Variants in GNA12 observed in about 807,000 individuals in gnomAD.
GNA12 encodes G protein subunit alpha 12, also known as guanine nucleotide-binding protein subunit alpha-12.
Under a neutral mutation model 26.0 loss-of-function variants are expected in GNA12, and 9 were observed. That is an observed-to-expected ratio of 0.35 (90% CI 0.21 to 0.60). GNA12 has a LOEUF of 0.60. Ranked by LOEUF, GNA12 falls within the 20% of genes least tolerant of loss-of-function variation. The probability of loss-of-function intolerance (pLI) is 0.78; values close to 1 mark genes in which losing one functional copy is unlikely to be tolerated. For missense variants in GNA12, 405 were observed against 525.8 expected (o/e 0.77, Z 2.25); for synonymous variants, 264 against 219.6 (o/e 1.20, Z -1.79).
Position 2,761,358 on chromosome 7 carries a change from A to G in GNA12, c.526-27857T>C, listed in dbSNP as rs532743040. Among the ~76,000 whole-genome samples the G allele has an allele frequency of 1.1e-4, 16 of 152,366 alleles. No homozygotes were observed. The South Asian group carries it at 2.9e-3, about 28-fold the overall frequency. Reference sequence around the variant, plus strand: ...CTAGAGGCACGGGGTGGGCACGCAGATGGCAGCTGTGATTTCCCTGAAACC... The same window carrying G: ...CTAGAGGCACGGGGTGGGCACGCAGGTGGCAGCTGTGATTTCCCTGAAACC... On this transcript the variant is annotated intron_variant, in intron 2 of 3. Transcript: ENST00000275364.
intron 1 of GNA12, among the ~76,000 whole-genome samples, chr7:2,818,612 C>T (rs182777919): frequency 9.9e-5 from 15 of 152,138 alleles, no homozygotes; most frequent in African/African-American, 3.6e-4. Context: ...AAAATACAAA[C>T]AATATTTGGG....
intron 2 of GNA12, among the ~76,000 whole-genome samples, chr7:2,733,761 T>C (rs1269401336): frequency 6.6e-6 from 1 of 152,218 alleles, no homozygotes; most frequent in African/African-American, 2.4e-5. Context: ...TGGGTTTTGG[T>C]GTGTGGTGCG....
intron 1 of GNA12, among the ~76,000 whole-genome samples, chr7:2,836,220 T>C (rs941206259): frequency 6.6e-6 from 1 of 152,150 alleles, no homozygotes; most frequent in Non-Finnish European, 1.5e-5. Context: ...TATGTGCAAA[T>C]TCAGGCACAA....
At chr7:2,733,755 T>C (rs906482752) in intron 2 of GNA12, among the ~76,000 whole-genome samples, 2 of 152,162 alleles carry the variant, frequency 1.3e-5, no homozygotes, top group Non-Finnish European at 2.9e-5. Context: ...CGCTGCTGGG[T>C]TTTGGTGTGT....
chr7:2,789,726 C>G (rs891488742), intron 2 of GNA12, among the ~76,000 whole-genome samples: 1 of 152,174 alleles, frequency 6.6e-6, no homozygotes, highest in Non-Finnish European at 1.5e-5. Context: ...AAACCAACCA[C>G]GCACAGCATC....
chr7:2,798,908 C>T (rs1792741650), intron 1 of GNA12, among the ~76,000 whole-genome samples: 1 of 125,318 alleles, frequency 8.0e-6, no homozygotes, highest in African/African-American at 3.0e-5. Context: ...CTGGTCTTTT[C>T]AACAAACGCT....
chr7:2,745,850 A>C (rs1477189023), intron 2 of GNA12, among the ~76,000 whole-genome samples: 1 of 152,186 alleles, frequency 6.6e-6, no homozygotes, highest in Non-Finnish European at 1.5e-5. Flanking sequence ...GGAAAACAGA[A>C]AAACGCAGGG....
chr7:2,758,592 T>A (rs1484344232), intron 2 of GNA12, among the ~76,000 whole-genome samples: 1 of 152,086 alleles, frequency 6.6e-6, no homozygotes, highest in Non-Finnish European at 1.5e-5. Context: ...GGGCCTGATC[T>A]AATCAGGGGA....
chr7:2,734,149 G>A (rs1452429002), intron 2 of GNA12, among the ~76,000 whole-genome samples: 1 of 152,258 alleles, frequency 6.6e-6, no homozygotes, highest in Non-Finnish European at 1.5e-5. Flanking sequence ...TCCATAGTGC[G>A]AAGGGCCCTG....
intron 2 of GNA12, among the ~76,000 whole-genome samples, chr7:2,792,200 G>A (rs1253188003): frequency 2.0e-5 from 3 of 152,082 alleles, no homozygotes; most frequent in Admixed American, 2.0e-4. Flanking sequence ...TGTAGCACCG[G>A]GTCTCACACA....
intron 2 of GNA12, among the ~76,000 whole-genome samples, chr7:2,766,308 T>C (rs1791801029): frequency 6.6e-6 from 1 of 152,146 alleles, no homozygotes; most frequent in Non-Finnish European, 1.5e-5. Context: ...TTTTTAAGGC[T>C]GGCTAAAATT....
intron 2 of GNA12, among the ~76,000 whole-genome samples, chr7:2,734,595 G>C (rs1030834480): frequency 3.3e-4 from 50 of 152,254 alleles, no homozygotes; most frequent in African/African-American, 1.2e-3. Flanking sequence ...GCCAGCACCT[G>C]CTCAGTCTAT....
intron 2 of GNA12, among the ~76,000 whole-genome samples, chr7:2,743,464 C>G (rs967149630): frequency 2.0e-5 from 3 of 152,280 alleles, no homozygotes; most frequent in Middle Eastern, 6.8e-3. Context: ...TGGCTTGACA[C>G]AGACTTTAAA....
intron 1 of GNA12, among the ~76,000 whole-genome samples, chr7:2,827,229 GAGA>G (rs1170791602): frequency 6.6e-6 from 1 of 152,190 alleles, no homozygotes; most frequent in Non-Finnish European, 1.5e-5. Context: ...CAGGGGCCGG[GAGA>G]AGGAGGGAAT....
chr7:2,750,203 C>T (rs909580518), intron 2 of GNA12, among the ~76,000 whole-genome samples: 5 of 152,160 alleles, frequency 3.3e-5, no homozygotes, highest in African/African-American at 9.7e-5. Flanking sequence ...GCAGCGACAC[C>T]GGCAAGGAGA....
intron 1 of GNA12, among the ~76,000 whole-genome samples, chr7:2,826,512 T>A (rs565701522): frequency 6.6e-6 from 1 of 152,286 alleles, no homozygotes; most frequent in African/African-American, 2.4e-5. Flanking sequence ...GCTTTATTCA[T>A]AAGTGCCAAA....
intron 2 of GNA12, among the ~76,000 whole-genome samples, chr7:2,760,030 T>G (rs1791483987): frequency 6.6e-6 from 1 of 152,204 alleles, no homozygotes; most frequent in Admixed American, 6.5e-5. Context: ...TAAAAGTATT[T>G]TTTAAAATAT....
At chr7:2,807,035 T>C (rs907585002) in intron 1 of GNA12, among the ~76,000 whole-genome samples, 5 of 152,330 alleles carry the variant, frequency 3.3e-5, no homozygotes, top group Middle Eastern at 3.4e-3. Flanking sequence ...CTTTTAATTT[T>C]CCTTTATTTT....
intron 2 of GNA12, among the ~76,000 whole-genome samples, chr7:2,779,984 A>T (rs2115433544): frequency 6.7e-6 from 1 of 149,980 alleles, no homozygotes; most frequent in South Asian, 2.1e-4. Flanking sequence ...TAAGAAAAAT[A>T]GAACAACTGA....
Sources: gnomAD v4.1 joint callset for allele counts (sites outside exome capture counted in the v4.1 genomes callset) on GRCh38, gnomAD v4.1.1 for gene constraint, MANE v1.5 for transcripts, NCBI Gene and HGNC (gene_info 2026-07-23, HGNC 2026-07-21) for gene names.